CEP85: variants seen among roughly 807,000 people sequenced by gnomAD.
CEP85 encodes centrosomal protein of 85 kDa.
Under a neutral mutation model 93.7 loss-of-function variants are expected in CEP85, and 58 were observed. That is an observed-to-expected ratio of 0.62 (90% CI 0.50 to 0.77). CEP85 has a LOEUF of 0.77. CEP85 is among the 30% of genes least tolerant of loss of function. The pLI is 0.00. For synonymous variants in CEP85, 314 were observed against 338.6 expected (o/e 0.93, Z 0.80); for missense variants, 868 against 922.0 (o/e 0.94, Z 0.76).
At chr1:26,265,788 A>G (rs1313694117) in intron 7 of CEP85, among the ~76,000 whole-genome samples, 1 of 152,192 alleles carries the variant, frequency 6.6e-6, no homozygotes, top group Non-Finnish European at 1.5e-5. Context: ...AAACATTAAA[A>G]TCTTTCATAG....
intron 2 of CEP85, 86 bp downstream of exon 2, chr1:26,239,924 C>T (rs1557646533): frequency 1.0e-6 from 1 of 1,001,732 alleles, no homozygotes; most frequent in Non-Finnish European, 1.6e-6. Flanking sequence ...AACAAACAAG[C>T]ATTCACTGAA....
chr1:26,276,725 A>C lies in CEP85; in HGVS notation c.2093A>C (p.His698Pro). 6.2e-7 allele frequency: 1 copy of C among 1,614,146 alleles called. No homozygotes were observed. Among genetic ancestry groups the C allele is most frequent in the South Asian group, 1.1e-5 (1 of 91,072 alleles). ...ATTGTGACCCAGAGGGCCCAGGGCCATGACCCCAATCTCTCCCTGCTCCTG... is the reference window on the plus strand; with the variant it reads ...ATTGTGACCCAGAGGGCCCAGGGCCCTGACCCCAATCTCTCCCTGCTCCTG... ...CSIVTQRAQG[H>P]DPNLSLLLGI... Residue 698 changes from histidine to proline, a missense_variant, in exon 13 of 14, where the codon CAT becomes CCT. By Grantham distance (77) the His-to-Pro change is moderately conservative. Transcript: ENST00000451429.
chr1:26,244,660 G>A (rs1446944881), intron 3 of CEP85, among the ~76,000 whole-genome samples: 1 of 152,028 alleles, frequency 6.6e-6, no homozygotes, highest in African/African-American at 2.4e-5. Flanking sequence ...AGCTGAGACT[G>A]CAGGTATGCA....
chr1:26,255,387 C>G lies in CEP85; in HGVS notation c.425C>G (p.Pro142Arg), dbSNP rs757239561. 6 of 1,613,908 alleles carry G rather than the reference C, an allele frequency of 3.7e-6. No homozygotes were observed. Among genetic ancestry groups the G allele is most frequent in the Non-Finnish European group, 5.1e-6 (6 of 1,180,004 alleles). ...GACCTCGGTGCAATGAAACATTCTC[C>G]AGGCCTATCTAGAGATCTCATGTAT... Reference protein sequence around the residue: ...NGDLGAMKHSPGLSRDLMYFS... With the variant: ...NGDLGAMKHSRGLSRDLMYFS... The change falls in exon 4 of 14, where the codon CCA becomes CGA. Residue 142 changes from proline (P) to arginine (R), a missense_variant. Pro to Arg is a moderately radical substitution (Grantham distance 103, BLOSUM62 -2). Coordinates refer to ENST00000451429, the MANE Select transcript of CEP85 (RefSeq NM_001319944.2).
At chr1:26,244,397 G>A (rs1361520992) in intron 3 of CEP85, 79 bp downstream of exon 3, 1 of 1,285,694 alleles carries the variant, frequency 7.8e-7, no homozygotes, top group African/African-American at 1.5e-5. Flanking sequence ...GGCATTTCCA[G>A]ATTGTGTTAT....
At chr1:26,272,617 ATTTTTTTTT>A (rs397861910) in intron 11 of CEP85, among the ~76,000 whole-genome samples, 57 of 89,684 alleles carry the variant, frequency 6.4e-4, no homozygotes, top group Admixed American at 3.5e-3. Flanking sequence ...CTATTACAGC[ATTTTTTTTT>A]TTTTTTTTTT....
intron 2 of CEP85, among the ~76,000 whole-genome samples, chr1:26,241,519 C>T (rs1451515382): frequency 6.6e-6 from 1 of 152,116 alleles, no homozygotes; most frequent in Non-Finnish European, 1.5e-5. Flanking sequence ...GCTGGGATTA[C>T]AGGCGTGAGC....
At chr1:26,272,557 C>T (rs1162628001) in intron 11 of CEP85, among the ~76,000 whole-genome samples, 2 of 150,362 alleles carry the variant, frequency 1.3e-5, no homozygotes, top group Non-Finnish European at 2.9e-5. Context: ...ATGGAAGGGC[C>T]TTATCTATCA....
At chr1:26,244,107 A>T in intron 2 of CEP85, 59 bp from the exon 3 acceptor site, 2 of 1,520,266 alleles carry the variant, frequency 1.3e-6, no homozygotes, top group Non-Finnish European at 1.8e-6. Context: ...TTAAAAAAAG[A>T]TCTGATGGGG....
At chr1:26,234,826 C>A (rs1019461680) in intron 1 of CEP85, among the ~76,000 whole-genome samples, 3 of 152,160 alleles carry the variant, frequency 2.0e-5, no homozygotes, top group Non-Finnish European at 2.9e-5. Flanking sequence ...CTTGGCGGGG[C>A]CTTACCCCGG....
chr1:26,244,373 A>G (rs1340306663), intron 3 of CEP85, 55 bp downstream of exon 3: 18 of 1,519,816 alleles, frequency 1.2e-5, no homozygotes, highest in East Asian at 2.3e-5. Context: ...TTCAGATTGC[A>G]TTTTGGGTAT....
chr1:26,276,744 G>A lies in CEP85; in HGVS notation c.2112G>A (p.Leu704=). The A allele has an allele frequency of 6.2e-7, 1 of 1,613,704 alleles. No homozygotes were observed. The highest frequency in any genetic ancestry group is 8.5e-7 in the Non-Finnish European group (1 of 1,179,752). The change falls in exon 13 of 14, where the codon CTG becomes CTA. Residue 704 remains leucine, a synonymous_variant. Coordinates refer to ENST00000451429, the MANE Select transcript of CEP85 (RefSeq NM_001319944.2). ...AGGGCCATGACCCCAATCTCTCCCT[G>A]CTCCTGGGCATTCACTGTGAGTCCT... ...RAQGHDPNLS[L]LLGIHSQHPE... is the part of the protein sequence containing the mutation.
chr1:26,276,327 G>A (rs564940091), intron 12 of CEP85, among the ~76,000 whole-genome samples: 1 of 152,300 alleles, frequency 6.6e-6, no homozygotes, highest in African/African-American at 2.4e-5. Flanking sequence ...CAGTGCTAGA[G>A]CCCTGTGGGC....
intron 6 of CEP85, among the ~76,000 whole-genome samples, chr1:26,258,884 T>G (rs1382884116): frequency 6.6e-6 from 1 of 152,036 alleles, no homozygotes; most frequent in East Asian, 1.9e-4. Context: ...CGGGAGTCAC[T>G]GCACCCGGGC....
In CEP85 at chr1:26,269,447, T is replaced by C. The variant is rs1336217681; in HGVS notation, c.1495-13T>C. ...TGGCTTATTTGACCTAAACATGGGA[T>C]CCTGTCTCTCAGCTTAAGGATTCTG... is the stretch of plus-strand genomic sequence containing the variant. On this transcript the variant is annotated splice_polypyrimidine_tract_variant and intron_variant, in intron 8 of 13. Coordinates refer to ENST00000451429, the MANE Select transcript of CEP85 (RefSeq NM_001319944.2). 3 of 1,612,836 alleles carry C rather than the reference T, an allele frequency of 1.9e-6. No homozygotes were observed. Among genetic ancestry groups the C allele is most frequent in the South Asian group, 2.2e-5 (2 of 91,018 alleles).
At chr1:26,273,611 G>A (rs1346095690) in intron 11 of CEP85, among the ~76,000 whole-genome samples, 2 of 151,996 alleles carry the variant, frequency 1.3e-5, no homozygotes, top group African/African-American at 2.4e-5. Context: ...AAAATATCAG[G>A]TGAGGCCGGA....
chr1:26,259,904 T>C, intron 7 of CEP85, 102 bp downstream of exon 7: 3 of 881,636 alleles, frequency 3.4e-6, no homozygotes, highest in Non-Finnish European at 3.4e-6. Flanking sequence ...GAGGAGACAA[T>C]TGGGTGAGAT....
chr1:26,248,485 A>G (rs1275101158), intron 3 of CEP85, among the ~76,000 whole-genome samples: 2 of 151,980 alleles, frequency 1.3e-5, no homozygotes, highest in South Asian at 2.1e-4. Flanking sequence ...ATATTGGTCT[A>G]GAAGTTTTTT....
At chr1:26,240,016 C>T (rs1008942092) in intron 2 of CEP85, among the ~76,000 whole-genome samples, 178 bp downstream of exon 2, 14 of 152,296 alleles carry the variant, frequency 9.2e-5, no homozygotes, top group African/African-American at 3.1e-4. Flanking sequence ...GTATTTATCT[C>T]TTGTGCTATG....
Sources: gnomAD v4.1 joint callset for allele counts (sites outside exome capture counted in the v4.1 genomes callset) on GRCh38, gnomAD v4.1.1 for gene constraint, MANE v1.5 for transcripts, NCBI Gene and HGNC (gene_info 2026-07-23, HGNC 2026-07-21) for gene names.